Variants in SPIDR observed in about 807,000 individuals in gnomAD.
The protein encoded by SPIDR is scaffold protein involved in DNA repair.
Under a neutral mutation model 104.6 loss-of-function variants are expected in SPIDR, and 93 were observed. The observed-to-expected ratio is 0.89, with a 90% CI of 0.75 to 1.06. The LOEUF (loss-of-function observed/expected upper bound fraction) is 1.06, where lower values mean the gene tolerates loss of function less well. Ranked by LOEUF, SPIDR falls within the 50% of genes least tolerant of loss-of-function variation. The pLI is 0.00. For synonymous variants in SPIDR, 431 were observed against 416.9 expected, an observed-to-expected ratio of 1.03 and a Z score of -0.41; for missense variants, 1,154 against 1,111.2, an observed-to-expected ratio of 1.04 and a Z score of -0.55.
intron 8 of SPIDR, among the ~76,000 whole-genome samples, chr8:47,491,882 G>C (rs1748980639): frequency 6.6e-6 from 1 of 152,058 alleles, no homozygotes; most frequent in African/African-American, 2.4e-5. Context: ...AGCCAATATT[G>C]AACCTTTTGT....
intron 5 of SPIDR, among the ~76,000 whole-genome samples, chr8:47,310,434 G>A (rs1586742133): frequency 6.6e-6 from 1 of 151,936 alleles, no homozygotes; most frequent in Non-Finnish European, 1.5e-5. Context: ...TTACAGAGGG[G>A]CACATGTCGG....
At chr8:47,338,243 G>C (rs1169269026) in intron 5 of SPIDR, among the ~76,000 whole-genome samples, 1 of 152,094 alleles carries the variant, frequency 6.6e-6, no homozygotes, top group Non-Finnish European at 1.5e-5. Context: ...TTGGCCTGAA[G>C]ATTTCAAGAT....
At chr8:47,600,818 C>T (rs754926297) in intron 10 of SPIDR, among the ~76,000 whole-genome samples, 1 of 152,140 alleles carries the variant, frequency 6.6e-6, no homozygotes, top group African/African-American at 2.4e-5. Context: ...GGTAGAGCTT[C>T]CTCATCTCAG....
Position 47,727,728 on chromosome 8 carries a change from T to C in SPIDR, c.2435+435T>C, listed in dbSNP as rs147396758. ...TGCCCTCCCTCAGGGTCTGGGCCAG[T>C]GTCAGTGCAGTCTGTCCCTATGAAG... On this transcript the variant is annotated intron_variant, in intron 17 of 19. Transcript: ENST00000297423. 5.0e-3 allele frequency among the ~76,000 whole-genome samples: 757 copies of C among 152,350 alleles called. 7 individuals are homozygous for C. Among genetic ancestry groups the C allele is most frequent in the African/African-American group, 0.016 (683 of 41,580 alleles).
At position 47,713,472 on chromosome 8, in the gene SPIDR, AGT is replaced by A; in HGVS notation, c.2189-14_2189-13del. 1 of 1,614,018 alleles carries A rather than the reference AGT, an allele frequency of 6.2e-7. No individual in the cohort carries two copies. Among genetic ancestry groups the A allele is most frequent in the Non-Finnish European group, 8.5e-7 (1 of 1,179,924 alleles). Reference sequence around the variant, plus strand: ...TTTCTTCAAGGCTTCAATAACCTGAAGTGTCTCTGTCGGCAGGTCGGATTGTT... The same window carrying A: ...TTTCTTCAAGGCTTCAATAACCTGAAGTCTCTGTCGGCAGGTCGGATTGTT... On this transcript the variant is annotated splice_polypyrimidine_tract_variant and intron_variant, in intron 15 of 19. Coordinates refer to ENST00000297423, the MANE Select transcript of SPIDR (RefSeq NM_001080394.4).
At chr8:47,463,256 G>T (rs1053028515) in intron 8 of SPIDR, among the ~76,000 whole-genome samples, 6 of 151,814 alleles carry the variant, frequency 4.0e-5, no homozygotes, top group Admixed American at 1.3e-4. Context: ...AGCTACTCGG[G>T]AGGCTGAGGC....
At chr8:47,666,273 C>G (rs2074919576) in intron 10 of SPIDR, among the ~76,000 whole-genome samples, 1 of 152,332 alleles carries the variant, frequency 6.6e-6, no homozygotes, top group East Asian at 1.9e-4. Flanking sequence ...TGGCTAGTGG[C>G]TACCACATTA....
intron 11 of SPIDR, among the ~76,000 whole-genome samples, chr8:47,681,270 T>C (rs546188531): frequency 6.6e-6 from 1 of 152,368 alleles, no homozygotes; most frequent in South Asian, 2.1e-4. Flanking sequence ...TTTAATTTTA[T>C]TGTCCTTTAA....
At chr8:47,578,148 T>G (rs1384471050) in intron 8 of SPIDR, among the ~76,000 whole-genome samples, 1 of 152,188 alleles carries the variant, frequency 6.6e-6, no homozygotes, top group African/African-American at 2.4e-5. Flanking sequence ...CATTTGAATC[T>G]CATTATAAAG....
intron 11 of SPIDR, among the ~76,000 whole-genome samples, chr8:47,688,250 G>A (rs1169998836): frequency 6.6e-6 from 1 of 152,064 alleles, no homozygotes; most frequent in Non-Finnish European, 1.5e-5. Flanking sequence ...AGTCTCCCTA[G>A]TAGCTGGGAC....
At chr8:47,338,972 A>G (rs1184683112) in intron 5 of SPIDR, among the ~76,000 whole-genome samples, 2 of 152,198 alleles carry the variant, frequency 1.3e-5, no homozygotes, top group Admixed American at 1.3e-4. Flanking sequence ...AATAAAATCA[A>G]TTGAGCTTGC....
intron 1 of SPIDR, among the ~76,000 whole-genome samples, chr8:47,274,244 A>G (rs2035912800): frequency 1.3e-5 from 2 of 152,132 alleles, no homozygotes. Context: ...ATGATTTTAC[A>G]ATTTTTTCTT....
chr8:47,308,962 T>A lies in SPIDR; in HGVS notation c.525+14932T>A, dbSNP rs1160065547. On this transcript the variant is annotated intron_variant, in intron 5 of 19. Transcript: ENST00000297423. ...CCCCTGGACATTAACAAGCCTTCAGTAGATTCCAGAGTTTCAAAATAGTTA... is the reference window on the plus strand; with the variant it reads ...CCCCTGGACATTAACAAGCCTTCAGAAGATTCCAGAGTTTCAAAATAGTTA... Among the ~76,000 whole-genome samples, 9 of 152,200 alleles carry A rather than the reference T, an allele frequency of 5.9e-5. No homozygotes were observed. The East Asian group carries it at 1.7e-3, about 29-fold the overall frequency.
At chr8:47,420,935 G>GC (rs2065323542) in intron 7 of SPIDR, among the ~76,000 whole-genome samples, 1 of 152,152 alleles carries the variant, frequency 6.6e-6, no homozygotes, top group African/African-American at 2.4e-5. Context: ...TTGAATATTG[G>GC]CCCCCATTAT....
chr8:47,505,057 C>T (rs2081258241), intron 8 of SPIDR, among the ~76,000 whole-genome samples: 1 of 152,160 alleles, frequency 6.6e-6, no homozygotes, highest in African/African-American at 2.4e-5. Flanking sequence ...AGGGTGCCTC[C>T]CAGTTAGGCT....
chr8:47,660,587 T>C, intron 10 of SPIDR: 4 of 929,572 alleles, frequency 4.3e-6, no homozygotes, highest in Non-Finnish European at 5.1e-6. Context: ...TTGAGAGGGG[T>C]GAAGTGTGGG....
intron 1 of SPIDR, among the ~76,000 whole-genome samples, chr8:47,274,520 C>T (rs1334993795): frequency 6.6e-6 from 1 of 151,848 alleles, no homozygotes; most frequent in Non-Finnish European, 1.5e-5. Context: ...ATTTTTTCCC[C>T]TTGATTGATA....
Position 47,515,672 on chromosome 8 carries a change from C to A in SPIDR, c.1097+75130C>A, listed in dbSNP as rs370647737. 3.1e-3 allele frequency among the ~76,000 whole-genome samples: 465 copies of A among 152,280 alleles called. 1 individual carries two copies. Among genetic ancestry groups the A allele is most frequent in the African/African-American group, 0.011 (454 of 41,550 alleles). On this transcript the variant is annotated intron_variant, in intron 8 of 19. Transcript: ENST00000297423. ...GAAATTCTAGGTCTAAATTGTCTGA[C>A]CTGTTTTTCTATGCAGATCTCATAA...
chr8:47,267,483 T>C (rs1563437455), intron 1 of SPIDR, among the ~76,000 whole-genome samples: 1 of 152,274 alleles, frequency 6.6e-6, no homozygotes, highest in Non-Finnish European at 1.5e-5. Context: ...CAGCAAGGAA[T>C]GAACATTCTA....
Sources: allele counts gnomAD v4.1 joint callset (sites outside exome capture counted in the v4.1 genomes callset), GRCh38; gene constraint gnomAD v4.1.1; transcripts MANE v1.5; gene names NCBI Gene and HGNC (gene_info 2026-07-23, HGNC 2026-07-21).